Variants in SPRED2 observed in about 807,000 individuals in gnomAD.
SPRED2 encodes sprouty related EVH1 domain containing 2.
Under a neutral mutation model 43.0 loss-of-function variants are expected in SPRED2, and 47 were observed. That is an observed-to-expected ratio of 1.09 (90% CI 0.87 to 1.40). SPRED2 has a LOEUF of 1.40. SPRED2 is among the 40% of genes most tolerant of loss of function. The pLI is 0.00. For missense variants in SPRED2, 561 were observed against 586.4 expected, an observed-to-expected ratio of 0.96 and a Z score of 0.45; for synonymous variants, 225 against 225.7, an observed-to-expected ratio of 1.00 and a Z score of 0.03.
chr2:65,373,907 T>C (rs1558674676), intron 1 of SPRED2: 2 of 152,326 alleles, frequency 1.3e-5, no homozygotes, highest in East Asian at 3.9e-4. Context: ...GATGTGTATT[T>C]TTTTCTTCAT....
chr2:65,347,161 A>G (rs1674373440), intron 1 of SPRED2, among the ~76,000 whole-genome samples: 1 of 151,990 alleles, frequency 6.6e-6, no homozygotes, highest in Non-Finnish European at 1.5e-5. Flanking sequence ...GGGGCCAACA[A>G]TCTATTGTTC....
chr2:65,363,525 A>G (rs971506986), intron 1 of SPRED2, among the ~76,000 whole-genome samples: 1 of 152,186 alleles, frequency 6.6e-6, no homozygotes, highest in Non-Finnish European at 1.5e-5. Context: ...AGATAATGAT[A>G]TAAGATTTAC....
Position 65,344,763 on chromosome 2 carries a change from G to A in SPRED2, c.160C>T (p.Arg54Ter), listed in dbSNP as rs754380485. The A allele has an allele frequency of 6.2e-6, 10 of 1,614,022 alleles. No homozygotes were observed. Among genetic ancestry groups the A allele is most frequent in the Admixed American group, 3.3e-5 (2 of 59,996 alleles). The part of the protein sequence containing the change: ...CKVMHPEGNG[R>*]SGFLIHGERQ... ...TCACCATGGATGAGAAAGCCGCTTC[G>A]TCCATTGCCTTCGGGGTGCATGACC... is the stretch of plus-strand genomic sequence containing the variant. The change falls in exon 2 of 6, where the codon CGA (arginine) becomes TGA (stop). Residue 54 changes from arginine to a stop codon, truncating the protein, a stop_gained. Transcript: ENST00000356388. LOFTEE classifies it high-confidence loss of function.
At chr2:65,395,815 C>T (rs890432488) in intron 1 of SPRED2, among the ~76,000 whole-genome samples, 8 of 152,170 alleles carry the variant, frequency 5.3e-5, no homozygotes, top group African/African-American at 9.7e-5. Context: ...GCTGTGGCCA[C>T]GTCACACTCC....
At chr2:65,390,306 T>C (rs1675601648) in intron 1 of SPRED2, among the ~76,000 whole-genome samples, 1 of 152,218 alleles carries the variant, frequency 6.6e-6, no homozygotes, top group Admixed American at 6.5e-5. Context: ...ACAGTAACTC[T>C]GCCATGGAAA....
At chr2:65,403,301 C>T (rs1675948623) in intron 1 of SPRED2, among the ~76,000 whole-genome samples, 1 of 152,214 alleles carries the variant, frequency 6.6e-6, no homozygotes, top group Non-Finnish European at 1.5e-5. Flanking sequence ...GACAGGGTCT[C>T]ACTCTGTTGC....
At chr2:65,366,152 A>G (rs997164281) in intron 1 of SPRED2, among the ~76,000 whole-genome samples, 8 of 152,170 alleles carry the variant, frequency 5.3e-5, no homozygotes, top group African/African-American at 1.7e-4. Flanking sequence ...AAGAAATCCA[A>G]CGTAACACAA....
chr2:65,383,534 T>G (rs972928065), intron 1 of SPRED2, among the ~76,000 whole-genome samples: 1 of 152,130 alleles, frequency 6.6e-6, no homozygotes, highest in Admixed American at 6.5e-5. Flanking sequence ...ACCTTTCACA[T>G]GGAGGAGGGA....
intron 1 of SPRED2, among the ~76,000 whole-genome samples, chr2:65,400,613 T>C (rs994061377): frequency 6.6e-6 from 1 of 152,190 alleles, no homozygotes; most frequent in Admixed American, 6.5e-5. Context: ...GGCCTCAGTG[T>C]GTGGGCTGGG....
chr2:65,341,470 G>C (rs1674182974), intron 2 of SPRED2, among the ~76,000 whole-genome samples: 2 of 152,108 alleles, frequency 1.3e-5, no homozygotes, highest in Non-Finnish European at 2.9e-5. Context: ...CAGAGGACTG[G>C]ACTGCCCTAA....
intron 1 of SPRED2, among the ~76,000 whole-genome samples, chr2:65,426,158 G>C (rs1339791384): frequency 1.3e-5 from 2 of 152,182 alleles, no homozygotes; most frequent in Non-Finnish European, 2.9e-5. Context: ...TTACTTGTCA[G>C]TTCTCGCAAC....
At position 65,311,132 on chromosome 2, in the gene SPRED2, G is replaced by C; in HGVS notation, c.*2369C>G. The C allele has an allele frequency of 1.6e-5, 16 of 985,716 alleles. No homozygotes were observed. The highest frequency in any genetic ancestry group is 1.9e-5 in the Non-Finnish European group (16 of 829,908). 61.1% of individuals were successfully genotyped at this position (985,716 alleles called of 1,614,324 possible). A position where few individuals can be genotyped will look rare whatever the true frequency, so the allele number is the denominator to read the frequency against. On this transcript the variant is annotated 3_prime_UTR_variant, in exon 6 of 6. Coordinates refer to ENST00000356388, the MANE Select transcript of SPRED2 (RefSeq NM_181784.3). ...GAGGCTTCTGGACAGAAAATCTTTT[G>C]GTTAATGTTTTGTTACCACAGATAC...
intron 1 of SPRED2, among the ~76,000 whole-genome samples, chr2:65,420,164 T>C (rs1324801105): frequency 7.3e-6 from 1 of 136,132 alleles, no homozygotes; most frequent in Non-Finnish European, 1.5e-5. Flanking sequence ...GAGCCAAGAC[T>C]GCACCACTGC....
chr2:65,321,854 C>G (rs1673422607), intron 4 of SPRED2, among the ~76,000 whole-genome samples: 1 of 151,946 alleles, frequency 6.6e-6, no homozygotes, highest in Non-Finnish European at 1.5e-5. Context: ...CTCACTGCAA[C>G]CTCCGCCTCC....
At chr2:65,345,495 A>G (rs1195854262) in intron 1 of SPRED2, among the ~76,000 whole-genome samples, 1 of 152,126 alleles carries the variant, frequency 6.6e-6, no homozygotes, top group Non-Finnish European at 1.5e-5. Flanking sequence ...TCCTGACATC[A>G]GGTGATTTAC....
At chr2:65,338,478 TTGG>T (rs1674050904) in intron 2 of SPRED2, among the ~76,000 whole-genome samples, 1 of 151,962 alleles carries the variant, frequency 6.6e-6, no homozygotes, top group South Asian at 2.1e-4. Context: ...TTGTGTTTTT[TTGG>T]TGGGGACGGG....
intron 2 of SPRED2, among the ~76,000 whole-genome samples, chr2:65,339,093 A>C (rs1251481015): frequency 1.5e-5 from 1 of 65,662 alleles, no homozygotes; most frequent in East Asian, 4.0e-4. Context: ...TCCGGGAGGG[A>C]GGTTGGGCGG....
intron 2 of SPRED2, among the ~76,000 whole-genome samples, chr2:65,338,144 CTCTCCCTCTCCCG>C (rs146825405): frequency 0.016 from 2,396 of 146,626 alleles, 128 homozygotes; most frequent in African/African-American, 0.054. Flanking sequence ...GAAAGAGTCC[CTCTCCCTCTCCCG>C]TCTCCCTCTC....
chr2:65,345,304 C>T (rs1674321684), intron 1 of SPRED2, among the ~76,000 whole-genome samples: 1 of 123,734 alleles, frequency 8.1e-6, no homozygotes, highest in South Asian at 3.1e-4. Context: ...GCTCTTGTTG[C>T]CCAGGCTGGA....
Sources: gnomAD v4.1 joint callset for allele counts (sites outside exome capture counted in the v4.1 genomes callset) on GRCh38, gnomAD v4.1.1 for gene constraint, MANE v1.5 for transcripts, NCBI Gene and HGNC (gene_info 2026-07-23, HGNC 2026-07-21) for gene names.